Variants in NFIA observed in about 807,000 individuals in gnomAD.
NFIA encodes the protein nuclear factor I A.
A neutral mutation model predicts 62.8 loss-of-function variants in NFIA; 8 were observed. That is an observed-to-expected ratio of 0.13 (90% CI 0.07 to 0.23). The LOEUF (loss-of-function observed/expected upper bound fraction) is 0.23, where lower values mean the gene tolerates loss of function less well. Among genes scored for constraint, NFIA ranks in the 10% least tolerant of loss-of-function variants. The pLI is 1.00. For synonymous variants in NFIA, 235 were observed against 238.1 expected, an observed-to-expected ratio of 0.99 and a Z score of 0.12; for missense variants, 410 against 642.1, an observed-to-expected ratio of 0.64 and a Z score of 3.91.
chr1:61,177,372 C>CA (rs1650450693), intron 2 of NFIA, among the ~76,000 whole-genome samples: 1 of 152,092 alleles, frequency 6.6e-6, no homozygotes, highest in African/African-American at 2.4e-5. Flanking sequence ...GCCTTCTGTA[C>CA]ACATCTTCAA....
rs1286435158 is a variant in NFIA at position 61,200,028 on chromosome 1, A to ATGTG, written c.560-77491_560-77490insGTGT. Among the ~76,000 whole-genome samples, 40 of 35,212 alleles carry ATGTG rather than the reference A, an allele frequency of 1.1e-3. 1 individual carries two copies. The highest frequency in any genetic ancestry group is 6.0e-3 in the African/African-American group (39 of 6,542). 23.1% of individuals were successfully genotyped at this position (35,212 alleles called of 152,430 possible). A position where few individuals can be genotyped will look rare whatever the true frequency, so the allele number is the denominator to read the frequency against. ...TATATATGTATATATATATATATAT[A>ATGTG]TATATATATATATATATATATATAT... On this transcript the variant is annotated intron_variant, in intron 2 of 10. Transcript: ENST00000403491.
At chr1:61,215,903 C>T (rs982277021) in intron 2 of NFIA, among the ~76,000 whole-genome samples, 1 of 152,192 alleles carries the variant, frequency 6.6e-6, no homozygotes, top group African/African-American at 2.4e-5. Flanking sequence ...GAAAGTTTAG[C>T]GCATGCGGTC....
intron 2 of NFIA, among the ~76,000 whole-genome samples, chr1:61,188,555 T>G (rs932425307): frequency 6.6e-5 from 10 of 152,236 alleles, no homozygotes; most frequent in African/African-American, 2.4e-4. Flanking sequence ...CCCAGCCACT[T>G]GGATGCTGTT....
rs548477996 is a variant in NFIA, at chr1:61,454,452, G to T, written c.1513-851G>T. ...AAAGGAAAAGGTAACCAGTAACTGG[G>T]CCTGGCAGGCACACAGAAGGCTCTA... On this transcript the variant is annotated intron_variant, in intron 10 of 10. Transcript: ENST00000403491. Among the ~76,000 whole-genome samples, 9 of 152,326 alleles carry T rather than the reference G, an allele frequency of 5.9e-5. No homozygotes were observed. The East Asian group carries it at 1.5e-3, about 26-fold the overall frequency.
intron 3 of NFIA, among the ~76,000 whole-genome samples, chr1:61,294,871 G>GAGC (rs1659105185): frequency 6.6e-6 from 1 of 152,184 alleles, no homozygotes; most frequent in Non-Finnish European, 1.5e-5. Flanking sequence ...CTTCTGTATA[G>GAGC]AGCATGTCAT....
Position 61,277,683 on chromosome 1 carries a change from C to T in NFIA, c.625+98C>T, listed in dbSNP as rs1262799313. The T allele has an allele frequency of 2.6e-6, 3 of 1,171,126 alleles. No individual in the cohort carries two copies. The East Asian group carries it at 7.2e-5, about 28-fold the overall frequency. 72.5% of individuals were successfully genotyped at this position (1,171,126 alleles called of 1,614,324 possible). The stretch of plus-strand genomic sequence containing the variant: ...ATTTGGGGGCCTACCCTATAAGTAG[C>T]CCACAGTAGGAACAACTCCAAAGAC... On this transcript the variant is annotated intron_variant, in intron 3 of 10. Transcript: ENST00000403491.
chr1:61,304,220 G>T (rs1338261862), intron 3 of NFIA, among the ~76,000 whole-genome samples: 1 of 151,892 alleles, frequency 6.6e-6, no homozygotes, highest in Non-Finnish European at 1.5e-5. Flanking sequence ...AGGTTGCAGT[G>T]AGCCAAGATC....
At chr1:61,151,599 G>A (rs1648417028) in intron 2 of NFIA, among the ~76,000 whole-genome samples, 2 of 152,046 alleles carry the variant, frequency 1.3e-5, no homozygotes, top group South Asian at 2.1e-4. Flanking sequence ...TTTATGTCGC[G>A]TAACCATTCC....
chr1:61,393,244 CCTCTCTCTCTCTCTCTCT>C (rs766730638), intron 7 of NFIA, among the ~76,000 whole-genome samples: 3 of 29,086 alleles, frequency 1.0e-4, no homozygotes, highest in Non-Finnish European at 1.7e-4. Context: ...TCGCCCTCTC[CCTCTCTCTCTCTCTCTCT>C]CTCTCTCTCT....
intron 2 of NFIA, among the ~76,000 whole-genome samples, chr1:61,146,498 C>T (rs1647995722): frequency 6.6e-6 from 1 of 152,096 alleles, no homozygotes; most frequent in African/African-American, 2.4e-5. Context: ...CTTGGCAGAG[C>T]CTAATTATAT....
chr1:61,082,427 C>A, upstream of NFIA: 1 of 1,003,404 alleles, frequency 1.0e-6, no homozygotes, highest in Non-Finnish European at 1.2e-6. Flanking sequence ...CGGTGCAGAG[C>A]GGAGGCGGAG....
In NFIA at chr1:61,110,884, C is replaced by A. The variant is rs747996653; in HGVS notation, c.559+22204C>A. ...GGATTGTCACTTTAAGAAGAAATAA[C>A]ATGTTAATGTTCTGCATTTGCTTAA... On this transcript the variant is annotated intron_variant, in intron 2 of 10. Coordinates refer to ENST00000403491, the MANE Select transcript of NFIA (RefSeq NM_001134673.4). 2.0e-5 allele frequency among the ~76,000 whole-genome samples: 3 copies of A among 152,030 alleles called. No individual in the cohort carries two copies. In the South Asian group the frequency reaches 6.2e-4, roughly 31 times the overall value.
chr1:61,132,766 T>G (rs1007505247), intron 2 of NFIA: 6 of 152,194 alleles, frequency 3.9e-5, no homozygotes, highest in African/African-American at 1.4e-4. Context: ...AAATCATAGA[T>G]CATACTAAAG....
At chr1:61,209,369 T>G (rs1292035459) in intron 2 of NFIA, among the ~76,000 whole-genome samples, 1 of 152,184 alleles carries the variant, frequency 6.6e-6, no homozygotes, top group Non-Finnish European at 1.5e-5. Context: ...AATGGTTTTG[T>G]TATTATTTAT....
At chr1:61,177,573 T>G (rs570956359) in intron 2 of NFIA, among the ~76,000 whole-genome samples, 5 of 152,212 alleles carry the variant, frequency 3.3e-5, no homozygotes, top group African/African-American at 1.2e-4. Flanking sequence ...TCTGTCTTGC[T>G]AAGATCCTCA....
At chr1:61,160,693 T>G (rs927703950) in intron 2 of NFIA, among the ~76,000 whole-genome samples, 12 of 152,196 alleles carry the variant, frequency 7.9e-5, no homozygotes. Context: ...TGGGGCTGCT[T>G]TAGTAGCCCA....
intron 2 of NFIA, among the ~76,000 whole-genome samples, chr1:61,246,398 A>T (rs140670842): frequency 2.2e-4 from 33 of 152,316 alleles, no homozygotes; most frequent in East Asian, 1.9e-3. Context: ...TATGCCGTAT[A>T]CTTAAAATGC....
In NFIA at chr1:61,383,376, C is replaced by T; in HGVS notation, c.1075+11C>T. The stretch of plus-strand genomic sequence containing the variant: ...TTACAGGACCCAGAGGTGAGCTGCT[C>T]CACAGGCACCCTTGGTTGTGCTTAT... On this transcript the variant is annotated intron_variant, in intron 7 of 10. Transcript: ENST00000403491. 1.2e-6 allele frequency: 2 copies of T among 1,613,628 alleles called. No individual in the cohort carries two copies. Among genetic ancestry groups the T allele is most frequent in the Non-Finnish European group, 8.5e-7 (1 of 1,179,706 alleles).
At chr1:61,324,694 C>T (rs1660840612) in intron 3 of NFIA, among the ~76,000 whole-genome samples, 1 of 152,140 alleles carries the variant, frequency 6.6e-6, no homozygotes, top group Non-Finnish European at 1.5e-5. Flanking sequence ...TAACTTTGTT[C>T]CTCTCCTGCC....
Sources: allele counts gnomAD v4.1 joint callset (sites outside exome capture counted in the v4.1 genomes callset), GRCh38; gene constraint gnomAD v4.1.1; transcripts MANE v1.5; gene names NCBI Gene and HGNC (gene_info 2026-07-23, HGNC 2026-07-21).